GALC: variants seen among roughly 807,000 people sequenced by gnomAD.
GALC encodes galactosylceramidase.
In GALC, 77 loss-of-function variants were observed where a neutral mutation model predicts 91.8. The observed-to-expected ratio is 0.84, with a 90% CI of 0.70 to 1.01. The LOEUF (loss-of-function observed/expected upper bound fraction) is 1.01, where lower values mean the gene tolerates loss of function less well. GALC is among the 50% of genes least tolerant of loss of function. The probability of loss-of-function intolerance (pLI) is 0.00; values close to 1 mark genes in which losing one functional copy is unlikely to be tolerated. For synonymous variants in GALC, 357 were observed against 306.7 expected, an observed-to-expected ratio of 1.16 and a Z score of -1.71; for missense variants, 882 against 855.9, an observed-to-expected ratio of 1.03 and a Z score of -0.38.
chr14:87,942,850 A>G (rs1308539629), intron 14 of GALC, among the ~76,000 whole-genome samples: 2 of 151,990 alleles, frequency 1.3e-5, no homozygotes, highest in Non-Finnish European at 2.9e-5. Flanking sequence ...ACTCAAGCCC[A>G]GTCTCTCTTG....
chr14:87,973,696 T>C (rs1382615594), intron 7 of GALC, among the ~76,000 whole-genome samples: 1 of 152,146 alleles, frequency 6.6e-6, no homozygotes, highest in Admixed American at 6.5e-5. Flanking sequence ...ACCAAGAGTA[T>C]TAGTATGAAG....
At chr14:87,949,969 C>A (rs1262789440) in intron 11 of GALC, 38 bp from the exon 12 acceptor site, 2 of 991,064 alleles carry the variant, frequency 2.0e-6, no homozygotes, top group East Asian at 2.4e-5. Context: ...CTGAGTAATT[C>A]ATCACATCCT....
intron 5 of GALC, among the ~76,000 whole-genome samples, chr14:87,982,549 T>A (rs1886794003): frequency 6.6e-6 from 1 of 152,202 alleles, no homozygotes; most frequent in Non-Finnish European, 1.5e-5. Flanking sequence ...GACAGTACAA[T>A]GTGTGCCAGA....
intron 1 of GALC, chr14:87,989,547 C>T (rs558746818): frequency 2.6e-5 from 4 of 152,442 alleles, no homozygotes; most frequent in Non-Finnish European, 5.9e-5. Flanking sequence ...GTAACCAACA[C>T]TTGCCGAAAC....
In GALC at chr14:87,993,177, A is replaced by T. The variant is rs749273920; in HGVS notation, c.-13T>A. Reference sequence around the variant, plus strand: ...GCCACTCAGCCATTGTGTGGGTCACATGACTCCGGCGCCCAGGGAGGCGGG... The same window carrying T: ...GCCACTCAGCCATTGTGTGGGTCACTTGACTCCGGCGCCCAGGGAGGCGGG... On this transcript the variant is annotated 5_prime_UTR_variant, in exon 1 of 17. The change abolishes an upstream ATG in the 5' untranslated region. Coordinates refer to ENST00000261304, the MANE Select transcript of GALC (RefSeq NM_000153.4). The T allele has an allele frequency of 6.3e-7, 1 of 1,581,752 alleles. No individual in the cohort carries two copies. Among genetic ancestry groups the T allele is most frequent in the Non-Finnish European group, 8.6e-7 (1 of 1,163,802 alleles).
chr14:87,992,448 G>A lies in GALC; in HGVS notation c.195+522C>T, dbSNP rs758823445. 51 of 1,535,032 alleles carry A rather than the reference G, an allele frequency of 3.3e-5. No individual in the cohort carries two copies. The East Asian group carries it at 1.0e-3, about 30-fold the overall frequency. ...CCTATTCGGCGCTACCCTCTCTGGA[G>A]GAGCCCATTCTTACCCTGCACTAAC... is the stretch of plus-strand genomic sequence containing the variant. On this transcript the variant is annotated intron_variant, in intron 1 of 16. Coordinates refer to ENST00000261304, the MANE Select transcript of GALC (RefSeq NM_000153.4).
chr14:87,937,313 C>T (rs1273041633), intron 16 of GALC, among the ~76,000 whole-genome samples: 2 of 151,780 alleles, frequency 1.3e-5, no homozygotes, highest in Non-Finnish European at 2.9e-5. Context: ...GATATGCACA[C>T]ACACACAAAA....
At chr14:87,961,589 A>C (rs1458054386) in intron 10 of GALC, among the ~76,000 whole-genome samples, 2 of 152,224 alleles carry the variant, frequency 1.3e-5, no homozygotes, top group Admixed American at 1.3e-4. Flanking sequence ...AAGTGAAATA[A>C]TTTGAGAAAA....
chr14:87,990,073 C>A (rs1887133519), intron 1 of GALC, among the ~76,000 whole-genome samples: 1 of 152,134 alleles, frequency 6.6e-6, no homozygotes. Flanking sequence ...TGGCCCTGCT[C>A]ACTGATTTGA....
chr14:87,935,953 T>A (rs1263582204), intron 16 of GALC, among the ~76,000 whole-genome samples: 3 of 152,050 alleles, frequency 2.0e-5, no homozygotes, highest in Non-Finnish European at 4.4e-5. Flanking sequence ...GCTCTAGAAG[T>A]GCTTACTGAA....
At chr14:87,970,685 CCT>C (rs1886253481) in intron 7 of GALC, among the ~76,000 whole-genome samples, 1 of 150,346 alleles carries the variant, frequency 6.7e-6, no homozygotes, top group Non-Finnish European at 1.5e-5. Flanking sequence ...ATGGTGAAAC[CCT>C]GTCTCTACTA....
intron 16 of GALC, among the ~76,000 whole-genome samples, chr14:87,936,403 C>T (rs943825375): frequency 6.6e-6 from 1 of 151,960 alleles, no homozygotes; most frequent in African/African-American, 2.4e-5. Context: ...GAAACACAGC[C>T]ACATCCATTG....
Position 87,941,427 on chromosome 14 carries a change from G to T in GALC, c.1802C>A (p.Ala601Glu), listed in dbSNP as rs1288442454. 6.2e-7 allele frequency: 1 copy of T among 1,606,358 alleles called. No individual in the cohort carries two copies. Among genetic ancestry groups the T allele is most frequent in the African/African-American group, 1.3e-5 (1 of 74,134 alleles). ...SARGIFFWIF[A>E]NGSYRVTGDL... Reference sequence around the variant, plus strand: ...ACCTGTAACCCTGTAAGATCCATTTGCAAAAATCCAGAAGAAAATTCCTCT... The same window carrying T: ...ACCTGTAACCCTGTAAGATCCATTTTCAAAAATCCAGAAGAAAATTCCTCT... Residue 601 changes from alanine to glutamate, a missense_variant, in exon 15 of 17, where the codon GCA becomes GAA. Ala to Glu is a moderately radical substitution (Grantham distance 107). Coordinates refer to ENST00000261304, the MANE Select transcript of GALC (RefSeq NM_000153.4).
chr14:87,974,321 C>T (rs10147014), intron 7 of GALC, among the ~76,000 whole-genome samples: 112,917 of 152,060 alleles, frequency 0.74, 42,485 homozygotes, highest in East Asian at 0.98. Context: ...GAAAGCAGAA[C>T]TCAGGCCAAG....
intron 8 of GALC, among the ~76,000 whole-genome samples, chr14:87,965,839 G>A (rs1886028154): frequency 6.6e-6 from 1 of 152,006 alleles, no homozygotes; most frequent in Non-Finnish European, 1.5e-5. Context: ...ATTTTTAATG[G>A]TGAATCACAT....
intron 14 of GALC, among the ~76,000 whole-genome samples, chr14:87,943,538 C>T (rs1390385816): frequency 6.6e-6 from 1 of 151,968 alleles, no homozygotes; most frequent in Admixed American, 6.6e-5. Flanking sequence ...GTGAGATGTA[C>T]TCCAAAGAGA....
chr14:87,935,237 T>C (rs1884522020), intron 16 of GALC, among the ~76,000 whole-genome samples: 1 of 152,148 alleles, frequency 6.6e-6, no homozygotes, highest in African/African-American at 2.4e-5. Context: ...AGTAGTCACA[T>C]GTACAAGTGG....
chr14:87,992,555 TTC>T (rs1595245315), intron 1 of GALC: 11 of 1,509,218 alleles, frequency 7.3e-6, no homozygotes, highest in Non-Finnish European at 9.7e-6. Context: ...CACTGGGGCG[TTC>T]TCTTTCGCAC....
chr14:87,984,135 C>CAA lies in GALC; in HGVS notation c.582+257_582+258dup, dbSNP rs36113094. 0.17 allele frequency among the ~76,000 whole-genome samples: 19,589 copies of CAA among 116,088 alleles called. 2,241 individuals are homozygous for CAA. Among genetic ancestry groups the CAA allele is most frequent in the African/African-American group, 0.31 (9,604 of 30,592 alleles). 76.2% of individuals were successfully genotyped at this position (116,088 alleles called of 152,430 possible). A position where few individuals can be genotyped will look rare whatever the true frequency, so the allele number is the denominator to read the frequency against. On this transcript the variant is annotated intron_variant, in intron 5 of 16. Coordinates refer to ENST00000261304, the MANE Select transcript of GALC (RefSeq NM_000153.4). The stretch of plus-strand genomic sequence containing the variant: ...AAGGAGAATTTGAGTTGGGTTGATA[C>CAA]AAAAAAAAAAAAAAAAAACCCAGCT...
Sources: gnomAD v4.1 joint callset for allele counts (sites outside exome capture counted in the v4.1 genomes callset) on GRCh38, gnomAD v4.1.1 for gene constraint, MANE v1.5 for transcripts, NCBI Gene and HGNC (gene_info 2026-07-23, HGNC 2026-07-21) for gene names.